The following LARP1B variants were observed in gnomAD, a reference collection of about 807,000 sequenced individuals.
The protein encoded by LARP1B is la-related protein 1B.
LARP1B carries 76 observed loss-of-function variants against 114.2 expected under a neutral mutation model. That is an observed-to-expected ratio of 0.67 (90% confidence interval 0.55 to 0.81). LARP1B has a LOEUF of 0.81. Ranked by LOEUF, LARP1B falls within the 30% of genes least tolerant of loss-of-function variation. The pLI is 0.00. For missense variants in LARP1B, 1,014 were observed against 1,075.8 expected (o/e 0.94, Z 0.80); for synonymous variants, 345 against 348.0 (o/e 0.99, Z 0.10).
chr4:128,134,637 A>G (rs1792675620), intron 11 of LARP1B, among the ~76,000 whole-genome samples: 1 of 152,210 alleles, frequency 6.6e-6, no homozygotes. Context: ...ATGAAAGGAC[A>G]CAGTTAACAG....
Position 128,210,745 on chromosome 4 carries a change from G to A in LARP1B, c.*692G>A, listed in dbSNP as rs1483543324. On this transcript the variant is annotated 3_prime_UTR_variant, in exon 20 of 20. Coordinates refer to ENST00000326639, the MANE Select transcript of LARP1B (RefSeq NM_018078.4). ...ATATCTCATGATTTCCACAGTTGTT[G>A]TATTGGTGTGGAGTTTTCTGAATTG... 1.0e-6 allele frequency: 1 copy of A among 985,090 alleles called. No individual in the cohort carries two copies. The highest frequency in any genetic ancestry group is 1.1e-4 in the East Asian group (1 of 8,828). 61.0% of individuals were successfully genotyped at this position (985,090 alleles called of 1,614,324 possible).
intron 11 of LARP1B, among the ~76,000 whole-genome samples, chr4:128,124,441 T>G (rs1327434886): frequency 6.6e-6 from 1 of 151,998 alleles, no homozygotes; most frequent in Non-Finnish European, 1.5e-5. Context: ...AAGATTTTGG[T>G]GTATTTGAGG....
At chr4:128,111,612 A>G (rs1784137143) in intron 9 of LARP1B, among the ~76,000 whole-genome samples, 1 of 152,044 alleles carries the variant, frequency 6.6e-6, no homozygotes, top group Non-Finnish European at 1.5e-5. Flanking sequence ...CTGAGTTGAG[A>G]GGATTACTTG....
chr4:128,103,931 T>C (rs1357511008), intron 8 of LARP1B, among the ~76,000 whole-genome samples: 2 of 151,760 alleles, frequency 1.3e-5, no homozygotes, highest in Non-Finnish European at 2.9e-5. Context: ...TAAAGAACTT[T>C]GAGCTTTTCA....
intron 9 of LARP1B, among the ~76,000 whole-genome samples, chr4:128,113,218 T>C (rs35636574): frequency 0.65 from 98,798 of 152,034 alleles, 32,396 homozygotes; most frequent in Middle Eastern, 0.81. Context: ...CACCTTGTGT[T>C]CAAAGCAAGT....
intron 12 of LARP1B, among the ~76,000 whole-genome samples, chr4:128,174,877 A>C (rs1745251218): frequency 6.6e-6 from 1 of 152,080 alleles, no homozygotes; most frequent in African/African-American, 2.4e-5. Context: ...AATAGCAATA[A>C]TTTGTAATAT....
intron 11 of LARP1B, chr4:128,123,454 C>T: frequency 1.1e-6 from 1 of 871,550 alleles, no homozygotes; most frequent in Non-Finnish European, 1.4e-6. Context: ...TTAAAATTAT[C>T]CTTCCCCCAT....
chr4:128,135,818 T>G (rs1196367472), intron 11 of LARP1B, among the ~76,000 whole-genome samples: 1 of 152,184 alleles, frequency 6.6e-6, no homozygotes, highest in Non-Finnish European at 1.5e-5. Flanking sequence ...GTTTTATTTT[T>G]GCTAGATGAA....
In LARP1B at chr4:128,162,221, A is replaced by C. The variant is rs766515993; in HGVS notation, c.1552A>C (p.Asn518His). 2 of 1,612,544 alleles carry C rather than the reference A, an allele frequency of 1.2e-6. No homozygotes were observed. The highest frequency in any genetic ancestry group is 2.7e-5 in the African/African-American group (2 of 74,838). ...AGAAGTTGAGAACTTTAAGAAGCTA[A>C]ATCTCATTAGTAAAGAGCAGTTTGA... ...KQEVENFKKLNLISKEQFENL... is the reference protein window; with the variant it reads ...KQEVENFKKLHLISKEQFENL... Residue 518 changes from asparagine (N) to histidine (H), a missense_variant, in exon 12 of 20, where the codon AAT becomes CAT. Coordinates refer to ENST00000326639, the MANE Select transcript of LARP1B (RefSeq NM_018078.4).
chr4:128,158,197 C>T (rs898869098), intron 11 of LARP1B, among the ~76,000 whole-genome samples: 2 of 152,000 alleles, frequency 1.3e-5, no homozygotes, highest in African/African-American at 4.8e-5. Flanking sequence ...TAGGTGCATT[C>T]ATAATCATAG....
chr4:128,200,498 ATATTT>A lies in LARP1B; in HGVS notation c.2165-17_2165-13del. The A allele has an allele frequency of 7.5e-7, 1 of 1,332,248 alleles. No homozygotes were observed. The highest frequency in any genetic ancestry group is 1.5e-5 in the African/African-American group (1 of 66,360). The allele number at this position is 1,332,248 out of a possible 1,614,324, so 82.5% of individuals were successfully genotyped here. On this transcript the variant is annotated intron_variant, in intron 16 of 19. Transcript: ENST00000326639. ...TTTAAAAAGTATGTTTAATAAAATA[ATATTT>A]TATTTAACTTTTTTCAGAGAGAAAA...
intron 11 of LARP1B, among the ~76,000 whole-genome samples, chr4:128,159,187 A>G (rs1295813402): frequency 6.6e-6 from 1 of 152,024 alleles, no homozygotes. Context: ...GAAAAAAAAA[A>G]AAAAGGAAAT....
intron 1 of LARP1B, among the ~76,000 whole-genome samples, chr4:128,068,160 G>A (rs1054356056): frequency 6.6e-5 from 10 of 152,148 alleles, no homozygotes; most frequent in African/African-American, 1.2e-4. Flanking sequence ...GATTATAGGC[G>A]TGAGCCACTG....
chr4:128,107,172 G>A lies in LARP1B; in HGVS notation c.847G>A (p.Asp283Asn), dbSNP rs779112875. ...LKDSTEVEIV[D>N]EKMRKKIEPE... is the part of the protein sequence containing the mutation. Reference sequence around the variant, plus strand: ...GGATAGCACAGAAGTAGAAATTGTGGATGAGAAAATGAGAAAAAAGATAGA... The same window carrying A: ...GGATAGCACAGAAGTAGAAATTGTGAATGAGAAAATGAGAAAAAAGATAGA... Residue 283 changes from aspartate (D) to asparagine (N), a missense_variant, in exon 9 of 20, where the codon GAT (aspartate) becomes AAT (asparagine). Asp to Asn is a conservative substitution (Grantham distance 23). Transcript: ENST00000326639. 2.5e-6 allele frequency: 4 copies of A among 1,614,070 alleles called. No homozygotes were observed. Among genetic ancestry groups the A allele is most frequent in the Non-Finnish European group, 3.4e-6 (4 of 1,179,992 alleles).
chr4:128,216,512 T>G (rs1363018564), downstream of LARP1B, among the ~76,000 whole-genome samples: 1 of 147,830 alleles, frequency 6.8e-6, no homozygotes, highest in African/African-American at 2.5e-5. Flanking sequence ...GCTCAACTAC[T>G]TGGAAACTGA....
intron 15 of LARP1B, among the ~76,000 whole-genome samples, chr4:128,181,154 T>C (rs953500169): frequency 6.6e-6 from 1 of 151,576 alleles, no homozygotes; most frequent in Non-Finnish European, 1.5e-5. Context: ...TGGATTTAAA[T>C]CTATCATTTA....
At chr4:128,219,749 A>G (rs1200746355) in intron 6 of LARP1B, among the ~76,000 whole-genome samples, 1 of 150,578 alleles carries the variant, frequency 6.6e-6, no homozygotes, top group African/African-American at 2.4e-5. Flanking sequence ...TACATAGGTA[A>G]CTAACCTGCA....
At chr4:128,110,581 G>A (rs1202467037) in intron 9 of LARP1B, among the ~76,000 whole-genome samples, 2 of 139,996 alleles carry the variant, frequency 1.4e-5, no homozygotes, top group Non-Finnish European at 3.0e-5. Flanking sequence ...GGAGGCTGAG[G>A]CAGGAGAATG....
intron 1 of LARP1B, among the ~76,000 whole-genome samples, chr4:128,065,277 C>CAA (rs1561010678): frequency 2.4e-5 from 3 of 125,788 alleles, no homozygotes; most frequent in African/African-American, 6.1e-5. Flanking sequence ...TTCTTTCTTT[C>CAA]TTTCTTTCTT....
Sources: allele counts gnomAD v4.1 joint callset (sites outside exome capture counted in the v4.1 genomes callset), GRCh38; gene constraint gnomAD v4.1.1; transcripts MANE v1.5; gene names NCBI Gene and HGNC (gene_info 2026-07-23, HGNC 2026-07-21).